Variants in LEKR1 observed in about 807,000 individuals in gnomAD.
LEKR1 encodes the protein leucine, glutamate and lysine rich 1.
LEKR1 carries 59 observed loss-of-function variants against 72.4 expected under a neutral mutation model. That is an observed-to-expected ratio of 0.82 (90% CI 0.66 to 1.01). The LOEUF is 1.01. Among genes scored for constraint, LEKR1 ranks in the 50% least tolerant of loss-of-function variants. LEKR1 has a pLI of 0.00. For synonymous variants in LEKR1, 257 were observed against 263.2 expected, an observed-to-expected ratio of 0.98 and a Z score of 0.23; for missense variants, 728 against 759.2, an observed-to-expected ratio of 0.96 and a Z score of 0.48.
intron 3 of LEKR1, among the ~76,000 whole-genome samples, chr3:156,854,773 C>A (rs1715842829): frequency 6.6e-6 from 1 of 151,526 alleles, no homozygotes; most frequent in Admixed American, 6.6e-5. Flanking sequence ...ATGTTGGTCT[C>A]GAACTCCTGG....
chr3:156,971,936 T>A (rs1729235313), intron 6 of LEKR1, among the ~76,000 whole-genome samples: 1 of 152,146 alleles, frequency 6.6e-6, no homozygotes. Context: ...AGTGTGGCTA[T>A]TCCTCAGGGA....
At chr3:156,913,329 T>C (rs148268395) in intron 3 of LEKR1, among the ~76,000 whole-genome samples, 1 of 152,320 alleles carries the variant, frequency 6.6e-6, no homozygotes, top group African/African-American at 2.4e-5. Context: ...TTGTAGTTCT[T>C]GCAGAGATCT....
chr3:156,920,000 T>A (rs1043049624), intron 3 of LEKR1, among the ~76,000 whole-genome samples: 1 of 152,150 alleles, frequency 6.6e-6, no homozygotes, highest in Non-Finnish European at 1.5e-5. Flanking sequence ...TTTTCTCTCT[T>A]GCTTCCTCTC....
At chr3:156,829,407 C>G in intron 2 of LEKR1, 30 bp downstream of exon 2, 2 of 1,461,668 alleles carry the variant, frequency 1.4e-6, no homozygotes, top group Non-Finnish European at 1.8e-6. Context: ...TACAGCCTAA[C>G]AGTGGGAACA....
intron 3 of LEKR1, among the ~76,000 whole-genome samples, chr3:156,855,827 G>T (rs1333803512): frequency 2.0e-5 from 3 of 152,068 alleles, no homozygotes; most frequent in African/African-American, 7.2e-5. Context: ...GGGAAATCTG[G>T]GGTAAATTCA....
chr3:156,839,206 A>G (rs1195311600), intron 2 of LEKR1, among the ~76,000 whole-genome samples: 1 of 152,210 alleles, frequency 6.6e-6, no homozygotes, highest in African/African-American at 2.4e-5. Context: ...ATCAGGTGTT[A>G]GTCTTTTGGT....
intron 7 of LEKR1, among the ~76,000 whole-genome samples, chr3:156,985,274 C>T (rs1332018225): frequency 2.6e-5 from 4 of 152,050 alleles, no homozygotes; most frequent in Non-Finnish European, 5.9e-5. Context: ...GGGTGGTATA[C>T]TTTTGACAGA....
rs966745509 is a variant in LEKR1, at chr3:156,847,375, C to A, written c.49-5393C>A. On this transcript the variant is annotated intron_variant, in intron 2 of 12. Transcript: ENST00000356539. The stretch of plus-strand genomic sequence containing the variant: ...ATTTGTTAATGTCTCCTCCAAAGTG[C>A]ATCTTGTAGAACACCAGAACATCCT... Among the ~76,000 whole-genome samples, 50 of 152,180 alleles carry A rather than the reference C, an allele frequency of 3.3e-4. 1 individual carries two copies. The highest frequency in any genetic ancestry group is 8.8e-5 in the Non-Finnish European group (6 of 68,032).
intron 6 of LEKR1, among the ~76,000 whole-genome samples, chr3:156,949,148 G>A (rs1726937748): frequency 6.6e-6 from 1 of 151,650 alleles, no homozygotes; most frequent in Non-Finnish European, 1.5e-5. Context: ...TTGGTGTGCA[G>A]AAGTTCTTAA....
chr3:156,888,229 C>A, intron 3 of LEKR1: 4 of 679,944 alleles, frequency 5.9e-6, no homozygotes, highest in South Asian at 4.6e-5. Context: ...AGCAGTTGGT[C>A]AACACTTTTA....
In LEKR1 at chr3:157,028,420, G is replaced by T; in HGVS notation, c.1668+18G>T. On this transcript the variant is annotated intron_variant, in intron 12 of 12. Transcript: ENST00000356539. ...AGGAAGAGGTAGGAAGCAGATAGTG[G>T]TAACTTTGCAATTAATCAAAGAGCA... 1 of 1,551,206 alleles carries T rather than the reference G, an allele frequency of 6.4e-7. No homozygotes were observed. The highest frequency in any genetic ancestry group is 8.7e-7 in the Non-Finnish European group (1 of 1,151,218).
At chr3:156,854,328 T>G (rs1229835289) in intron 3 of LEKR1, among the ~76,000 whole-genome samples, 1 of 151,504 alleles carries the variant, frequency 6.6e-6, no homozygotes, top group African/African-American at 2.4e-5. Context: ...ATATTTTTAG[T>G]AGAGACAGGG....
intron 2 of LEKR1, 73 bp downstream of exon 2, chr3:156,829,450 A>G: frequency 9.5e-7 from 1 of 1,054,018 alleles, no homozygotes; most frequent in South Asian, 1.5e-5. Context: ...AACCTAGAGG[A>G]GTGAATTCAT....
At chr3:156,842,489 T>TTC (rs774718029) in intron 2 of LEKR1, among the ~76,000 whole-genome samples, 36 of 152,030 alleles carry the variant, frequency 2.4e-4, no homozygotes, top group Non-Finnish European at 4.4e-4. Flanking sequence ...GAAGAGAAGG[T>TTC]GAGAGCCTTT....
At chr3:156,837,153 G>A (rs1713254690) in intron 2 of LEKR1, among the ~76,000 whole-genome samples, 1 of 152,196 alleles carries the variant, frequency 6.6e-6, no homozygotes, top group Non-Finnish European at 1.5e-5. Context: ...AATGTTCCAG[G>A]ATTTTATCAT....
intron 3 of LEKR1, among the ~76,000 whole-genome samples, chr3:156,894,644 A>G (rs1396934707): frequency 1.3e-5 from 2 of 152,236 alleles, no homozygotes; most frequent in African/African-American, 4.8e-5. Flanking sequence ...TGCAAACTAT[A>G]CTACAAGGCT....
At chr3:156,853,496 A>G (rs1715649743) in intron 3 of LEKR1, among the ~76,000 whole-genome samples, 1 of 152,050 alleles carries the variant, frequency 6.6e-6, no homozygotes, top group South Asian at 2.1e-4. Context: ...CTGCCTAAAG[A>G]CACTTCAGTG....
chr3:156,998,559 C>T (rs1229004192), intron 9 of LEKR1, among the ~76,000 whole-genome samples: 1 of 151,970 alleles, frequency 6.6e-6, no homozygotes, highest in Non-Finnish European at 1.5e-5. Context: ...ATGATGGGAA[C>T]AATGAAGAAT....
chr3:156,965,532 T>C (rs1728488535), intron 6 of LEKR1, among the ~76,000 whole-genome samples: 1 of 152,204 alleles, frequency 6.6e-6, no homozygotes, highest in African/African-American at 2.4e-5. Context: ...GGTTTTAATG[T>C]AACTACATCT....
Sources: allele counts gnomAD v4.1 joint callset (sites outside exome capture counted in the v4.1 genomes callset), GRCh38; gene constraint gnomAD v4.1.1; transcripts MANE v1.5; gene names NCBI Gene and HGNC (gene_info 2026-07-23, HGNC 2026-07-21).